The following SHQ1 variants were observed in gnomAD, a reference collection of about 807,000 sequenced individuals.
The protein encoded by SHQ1 is protein SHQ1 homolog.
SHQ1 carries 49 observed loss-of-function variants against 53.8 expected under a neutral mutation model. That is an observed-to-expected ratio of 0.91 (90% CI 0.72 to 1.16). The LOEUF (loss-of-function observed/expected upper bound fraction) is 1.16. Among genes scored for constraint, SHQ1 ranks in the 50% most tolerant of loss-of-function variants. The pLI is 0.00. For synonymous variants in SHQ1, 243 were observed against 251.0 expected, an observed-to-expected ratio of 0.97 and a Z score of 0.30; for missense variants, 738 against 683.1, an observed-to-expected ratio of 1.08 and a Z score of -0.90.
intron 5 of SHQ1, among the ~76,000 whole-genome samples, chr3:72,828,649 C>G (rs1017793299): frequency 6.6e-6 from 1 of 151,960 alleles, no homozygotes; most frequent in South Asian, 2.1e-4. Context: ...GAGCCAAGAT[C>G]GCACCACTGC....
chr3:72,733,061 G>A, the SHQ1 span, among the ~76,000 whole-genome samples: 2 of 151,628 alleles, frequency 1.3e-5, no homozygotes, highest in Non-Finnish European at 2.9e-5. Context: ...GAAAGGAGGA[G>A]GAGGAGAGAG....
chr3:72,788,472 G>A (rs1159550952), intron 10 of SHQ1, among the ~76,000 whole-genome samples: 2 of 151,220 alleles, frequency 1.3e-5, no homozygotes, highest in Admixed American at 6.6e-5. Context: ...GAGCGTCTCC[G>A]CCCGGCAGCC....
intron 4 of SHQ1, 71 bp from the exon 5 acceptor site, chr3:72,832,552 CA>C: frequency 9.6e-7 from 1 of 1,046,014 alleles, no homozygotes; most frequent in Non-Finnish European, 1.4e-6. Flanking sequence ...AAATTTTATA[CA>C]AAATGCCAAA....
At chr3:72,773,173 AC>A in intron 10 of SHQ1, 1 of 738,498 alleles carries the variant, frequency 1.4e-6, no homozygotes, top group Non-Finnish European at 2.5e-6. Context: ...GACATAAAAA[AC>A]CAGTCCAGAG....
At chr3:72,842,459 T>C in intron 2 of SHQ1, 57 bp from the exon 3 acceptor site, 6 of 1,516,080 alleles carry the variant, frequency 4.0e-6, no homozygotes, top group Middle Eastern at 1.8e-4. Flanking sequence ...CTGGGCACAA[T>C]AGCTTACACC....
At chr3:72,732,999 C>A in the SHQ1 span, among the ~76,000 whole-genome samples, 1 of 151,762 alleles carries the variant, frequency 6.6e-6, no homozygotes, top group South Asian at 2.1e-4. Context: ...TCTTTCTAAG[C>A]CTGGCCACGG....
At chr3:72,787,894 T>C (rs1319608225) in intron 10 of SHQ1, among the ~76,000 whole-genome samples, 1 of 152,184 alleles carries the variant, frequency 6.6e-6, no homozygotes, top group Non-Finnish European at 1.5e-5. Context: ...TTCATATTTT[T>C]TGGTGCAGAC....
chr3:72,755,927 C>T (rs1370652500), intron 10 of SHQ1, among the ~76,000 whole-genome samples: 4 of 152,208 alleles, frequency 2.6e-5, no homozygotes, highest in East Asian at 1.9e-4. Flanking sequence ...GACAGGTTCT[C>T]GCTTTATTGC....
chr3:72,797,580 A>G (rs1422573371), intron 9 of SHQ1, among the ~76,000 whole-genome samples: 1 of 152,250 alleles, frequency 6.6e-6, no homozygotes, highest in African/African-American at 2.4e-5. Flanking sequence ...ACTGAGAAGC[A>G]ATATTTAGAT....
Position 72,839,265 on chromosome 3 carries a change from T to C in SHQ1, c.486+1780A>G, listed in dbSNP as rs80162728. 8.4e-3 allele frequency among the ~76,000 whole-genome samples: 1,281 copies of C among 152,314 alleles called. 22 individuals carry two copies. Among genetic ancestry groups the C allele is most frequent in the African/African-American group, 0.03 (1,234 of 41,568 alleles). ...CACAAACTATCTCTTGGCCAACAAT[T>C]GAGGGCCATTCACTGTAGTTCCTGC... On this transcript the variant is annotated intron_variant, in intron 4 of 10. Coordinates refer to ENST00000325599, the MANE Select transcript of SHQ1 (RefSeq NM_018130.3).
intron 10 of SHQ1, among the ~76,000 whole-genome samples, chr3:72,775,140 A>T (rs538703376): frequency 6.6e-6 from 1 of 152,082 alleles, no homozygotes; most frequent in Non-Finnish European, 1.5e-5. Flanking sequence ...AAATAAAATA[A>T]TTTTTTAAAA....
intron 1 of SHQ1, chr3:72,846,388 A>C (rs1168046761): frequency 2.3e-6 from 3 of 1,308,384 alleles, no homozygotes. Flanking sequence ...TTCGCCCCCC[A>C]GGTTCAAGCG....
intron 1 of SHQ1, 111 bp downstream of exon 1, chr3:72,848,087 C>G: frequency 7.5e-7 from 1 of 1,340,980 alleles, no homozygotes; most frequent in Non-Finnish European, 1.0e-6. Flanking sequence ...GCGGAAACGT[C>G]GGGAAAAGGC....
intron 9 of SHQ1, among the ~76,000 whole-genome samples, chr3:72,810,464 C>G (rs1197444983): frequency 6.6e-6 from 1 of 152,206 alleles, no homozygotes; most frequent in Non-Finnish European, 1.5e-5. Flanking sequence ...TCTGTAGTTT[C>G]TGAAGCATTC....
At chr3:72,729,383 G>T in the SHQ1 span, among the ~76,000 whole-genome samples, 2 of 152,094 alleles carry the variant, frequency 1.3e-5, no homozygotes, top group Non-Finnish European at 2.9e-5. Context: ...TTGGAGCCTG[G>T]GGCCGCTGCT....
chr3:72,791,642 A>G (rs571626983), intron 10 of SHQ1, among the ~76,000 whole-genome samples: 4 of 152,312 alleles, frequency 2.6e-5, no homozygotes, highest in African/African-American at 4.8e-5. Context: ...CTAAGTCACA[A>G]TTGACATTGT....
At chr3:72,733,103 C>A in the SHQ1 span, among the ~76,000 whole-genome samples, 1 of 151,578 alleles carries the variant, frequency 6.6e-6, no homozygotes, top group African/African-American at 2.4e-5. Flanking sequence ...AGACTGTGCT[C>A]CCAGTACACT....
At chr3:72,744,927 G>GGC (rs549048511), downstream of SHQ1, among the ~76,000 whole-genome samples, 32,682 of 142,990 alleles carry the variant, frequency 0.23, 4,103 homozygotes, top group Non-Finnish European at 0.25. Flanking sequence ...ATACATTGGG[G>GGC]GGGGGGGGTG....
At chr3:72,743,828 T>G in the SHQ1 span, among the ~76,000 whole-genome samples, 1 of 152,154 alleles carries the variant, frequency 6.6e-6, no homozygotes, top group Non-Finnish European at 1.5e-5. Context: ...CAGGGAGCAA[T>G]AAATACTCTA....
Sources: gnomAD v4.1 joint callset for allele counts (sites outside exome capture counted in the v4.1 genomes callset) on GRCh38, gnomAD v4.1.1 for gene constraint, MANE v1.5 for transcripts, NCBI Gene and HGNC (gene_info 2026-07-23, HGNC 2026-07-21) for gene names.